Variants in RTN1 observed in about 807,000 individuals in gnomAD.
RTN1 encodes reticulon-1.
A neutral mutation model predicts 65.5 loss-of-function variants in RTN1; 25 were observed. The observed-to-expected ratio is 0.38, with a 90% CI of 0.28 to 0.53. The LOEUF is 0.53. Ranked by LOEUF, RTN1 falls within the 20% of genes least tolerant of loss-of-function variation. The pLI is 0.79. For missense variants in RTN1, 983 were observed against 1,025.4 expected, an observed-to-expected ratio of 0.96 and a Z score of 0.57; for synonymous variants, 471 against 447.6, an observed-to-expected ratio of 1.05 and a Z score of -0.66.
At chr14:59,796,685 C>G (rs574694473) in intron 1 of RTN1, among the ~76,000 whole-genome samples, 2 of 152,282 alleles carry the variant, frequency 1.3e-5, no homozygotes, top group East Asian at 3.9e-4. Flanking sequence ...TGAACTCATT[C>G]TTCAAAATTC....
intron 3 of RTN1, among the ~76,000 whole-genome samples, chr14:59,665,952 A>T (rs921531239): frequency 2.0e-5 from 3 of 152,166 alleles, no homozygotes; most frequent in Non-Finnish European, 4.4e-5. Flanking sequence ...AAGTCCTTAG[A>T]GACCTACAAA....
chr14:59,769,430 T>C (rs1431134372), intron 1 of RTN1, among the ~76,000 whole-genome samples: 1 of 152,184 alleles, frequency 6.6e-6, no homozygotes, highest in East Asian at 1.9e-4. Flanking sequence ...ATAAATGACA[T>C]ATATTTTTCA....
intron 3 of RTN1, among the ~76,000 whole-genome samples, chr14:59,718,661 G>T (rs767190726): frequency 6.6e-6 from 1 of 152,158 alleles, no homozygotes; most frequent in Non-Finnish European, 1.5e-5. Context: ...TAGATACAGT[G>T]CTCAAATAGG....
At chr14:59,689,196 A>G (rs1226658742) in intron 3 of RTN1, among the ~76,000 whole-genome samples, 1 of 152,132 alleles carries the variant, frequency 6.6e-6, no homozygotes, top group Non-Finnish European at 1.5e-5. Context: ...AGACCAGACC[A>G]AGCAGAAGAA....
chr14:59,710,461 T>A (rs1255019912), intron 3 of RTN1, among the ~76,000 whole-genome samples: 1 of 152,216 alleles, frequency 6.6e-6, no homozygotes, highest in East Asian at 1.9e-4. Flanking sequence ...TGTGAATCGA[T>A]CCTGCTAACC....
At chr14:59,784,815 G>A (rs977131327) in intron 1 of RTN1, among the ~76,000 whole-genome samples, 15 of 152,080 alleles carry the variant, frequency 9.9e-5, no homozygotes. Context: ...TGTAATTAAC[G>A]ACACTTTTGC....
chr14:59,838,663 G>C (rs986270174), intron 1 of RTN1, among the ~76,000 whole-genome samples: 16 of 152,078 alleles, frequency 1.1e-4, no homozygotes, highest in African/African-American at 1.2e-4. Flanking sequence ...ACGTATATAT[G>C]TCTGTATATT....
chr14:59,668,245 C>T (rs575396390), intron 3 of RTN1, among the ~76,000 whole-genome samples: 2 of 152,188 alleles, frequency 1.3e-5, no homozygotes, highest in East Asian at 1.9e-4. Context: ...GGTACTGGTA[C>T]CAAAACAGAT....
intron 1 of RTN1, among the ~76,000 whole-genome samples, chr14:59,810,328 G>T (rs1193747828): frequency 6.6e-6 from 1 of 152,202 alleles, no homozygotes; most frequent in Non-Finnish European, 1.5e-5. Context: ...ACACAAACTT[G>T]CTGTGTGTGC....
chr14:59,721,591 G>A (rs912420768), intron 3 of RTN1, among the ~76,000 whole-genome samples: 11 of 152,176 alleles, frequency 7.2e-5, no homozygotes, highest in Non-Finnish European at 1.6e-4. Context: ...CACTCCAAAA[G>A]GTGCTGAGGT....
At chr14:59,840,260 C>G (rs1887287305) in intron 1 of RTN1, among the ~76,000 whole-genome samples, 1 of 152,002 alleles carries the variant, frequency 6.6e-6, no homozygotes, top group Middle Eastern at 3.2e-3. Flanking sequence ...CTCTTTTTTC[C>G]CATCCATAAA....
At position 59,746,460 on chromosome 14, in the gene RTN1, G is replaced by T. The variant is rs1885228738; in HGVS notation, c.263C>A (p.Ala88Asp). ...ASTGVAGVSS[A>D]MDHTFSTTSK... ...TGTTGTTGAGAAGGTGTGGTCCATGGCACTGGAAACACCTGCCACACCTAT... is the reference window on the plus strand; with the variant it reads ...TGTTGTTGAGAAGGTGTGGTCCATGTCACTGGAAACACCTGCCACACCTAT... Residue 88 changes from alanine to aspartate, a missense_variant, in exon 2 of 9, where the codon GCC becomes GAC. Coordinates refer to ENST00000267484, the MANE Select transcript of RTN1 (RefSeq NM_021136.3). 6.3e-7 allele frequency: 1 copy of T among 1,594,118 alleles called. No homozygotes were observed. The highest frequency in any genetic ancestry group is 1.1e-5 in the South Asian group (1 of 86,962).
chr14:59,858,032 T>C (rs1351292826), intron 1 of RTN1, among the ~76,000 whole-genome samples: 3 of 152,180 alleles, frequency 2.0e-5, no homozygotes, highest in Non-Finnish European at 4.4e-5. Flanking sequence ...GTCACACATA[T>C]AGCTTGTACC....
At chr14:59,708,263 G>T (rs994240005) in intron 3 of RTN1, among the ~76,000 whole-genome samples, 24 of 152,326 alleles carry the variant, frequency 1.6e-4, no homozygotes, top group African/African-American at 4.3e-4. Context: ...AGCTCGGTGT[G>T]GTAAAGCGTG....
At chr14:59,779,488 G>A (rs1886113234) in intron 1 of RTN1, among the ~76,000 whole-genome samples, 1 of 151,944 alleles carries the variant, frequency 6.6e-6, no homozygotes, top group Non-Finnish European at 1.5e-5. Flanking sequence ...AGAGGGGGAA[G>A]GCAGAATTCC....
At position 59,870,369 on chromosome 14, in the gene RTN1, G is replaced by T; in HGVS notation, c.241+21C>A. On this transcript the variant is annotated intron_variant, in intron 1 of 8. Coordinates refer to ENST00000267484, the MANE Select transcript of RTN1 (RefSeq NM_021136.3). The surrounding 1 kb of genome is among the most constrained non-coding windows in gnomAD (Gnocchi z 5.1). ...GCCCTGGTCCCCGACGCCATTTGAG[G>T]GGCAGCGGCGCCCGCCTTACCTGTG... The T allele has an allele frequency of 1.3e-6, 2 of 1,489,544 alleles. No homozygotes were observed. The highest frequency in any genetic ancestry group is 1.8e-6 in the Non-Finnish European group (2 of 1,129,722). The allele number at this position is 1,489,544 out of a possible 1,614,324, so 92.3% of individuals were successfully genotyped here.
At chr14:59,858,109 T>C (rs1185200204) in intron 1 of RTN1, among the ~76,000 whole-genome samples, 1 of 152,206 alleles carries the variant, frequency 6.6e-6, no homozygotes, top group Non-Finnish European at 1.5e-5. Context: ...GAGTTGGCCA[T>C]ATCTCCCAAC....
chr14:59,717,999 A>G (rs577073146), intron 3 of RTN1, among the ~76,000 whole-genome samples: 2 of 152,314 alleles, frequency 1.3e-5, no homozygotes, highest in East Asian at 3.9e-4. Context: ...GGAATTCTGT[A>G]TTTCAACAAA....
At chr14:59,674,335 C>T (rs1452380370) in intron 3 of RTN1, among the ~76,000 whole-genome samples, 1 of 152,078 alleles carries the variant, frequency 6.6e-6, no homozygotes, top group Non-Finnish European at 1.5e-5. Flanking sequence ...TGATAGCATG[C>T]CTAGTGCTCC....
Sources: gnomAD v4.1 joint callset for allele counts (sites outside exome capture counted in the v4.1 genomes callset) on GRCh38, gnomAD v4.1.1 for gene constraint, Gnocchi (gnomAD v3.1) non-coding constraint, MANE v1.5 for transcripts, NCBI Gene and HGNC (gene_info 2026-07-23, HGNC 2026-07-21) for gene names.